Variants in AXIN1 observed in about 807,000 individuals in gnomAD.
AXIN1 encodes axin 1.
In AXIN1, 30 loss-of-function variants were observed where a neutral mutation model predicts 76.4. The ratio of observed to expected loss-of-function variants is 0.39; its 90% confidence interval spans 0.29 to 0.53. The LOEUF is 0.53. Among genes scored for constraint, AXIN1 ranks in the 20% least tolerant of loss-of-function variants. The pLI, the probability that AXIN1 is intolerant of heterozygous loss-of-function variation, is 0.66. For missense variants in AXIN1, 1,140 were observed against 1,198.8 expected (o/e 0.95, Z 0.72); for synonymous variants, 545 against 501.4 (o/e 1.09, Z -1.16).
At chr16:325,950 G>A (rs2053571013) in intron 2 of AXIN1, among the ~76,000 whole-genome samples, 1 of 151,902 alleles carries the variant, frequency 6.6e-6, no homozygotes, top group Non-Finnish European at 1.5e-5. Flanking sequence ...ACTCACGCTG[G>A]CCACGAAAAG....
chr16:325,007 C>T (rs1420795258), intron 2 of AXIN1, among the ~76,000 whole-genome samples: 1 of 152,198 alleles, frequency 6.6e-6, no homozygotes, highest in Non-Finnish European at 1.5e-5. Flanking sequence ...GCTCAGCGGA[C>T]CCGCACAGAA....
intron 2 of AXIN1, among the ~76,000 whole-genome samples, chr16:341,528 C>A (rs1272968090): frequency 6.6e-6 from 1 of 152,252 alleles, no homozygotes; most frequent in African/African-American, 2.4e-5. Context: ...CTGCAGCCCG[C>A]CATGCCTAAG....
chr16:342,712 C>T (rs146751107), intron 2 of AXIN1, among the ~76,000 whole-genome samples: 2 of 152,344 alleles, frequency 1.3e-5, no homozygotes, highest in Non-Finnish European at 2.9e-5. Flanking sequence ...CGGGCCCATC[C>T]GTCAGAGCTG....
chr16:320,741 ATATT>A (rs1285217799), intron 2 of AXIN1, among the ~76,000 whole-genome samples: 3 of 92,062 alleles, frequency 3.3e-5, no homozygotes, highest in African/African-American at 5.6e-5. Context: ...ATATATATAT[ATATT>A]TTTTTTTTTT....
intron 2 of AXIN1, among the ~76,000 whole-genome samples, chr16:326,370 AAAATATAT>A (rs1297233085): frequency 1.1e-5 from 1 of 93,008 alleles, no homozygotes; most frequent in Non-Finnish European, 2.0e-5. Flanking sequence ...AAAAAAAAAA[AAAATATAT>A]ATATATATAT....
chr16:307,206 G>A (rs1224542440), intron 4 of AXIN1, among the ~76,000 whole-genome samples: 1 of 152,134 alleles, frequency 6.6e-6, no homozygotes, highest in Non-Finnish European at 1.5e-5. Flanking sequence ...CAGGCCCAGA[G>A]AGCAGCACGG....
intron 4 of AXIN1, among the ~76,000 whole-genome samples, chr16:306,132 C>T (rs2053017600): frequency 6.6e-6 from 1 of 152,068 alleles, no homozygotes. Flanking sequence ...CACACACATG[C>T]CCACACATGC....
At chr16:297,263 G>A (rs778569054) in intron 6 of AXIN1, 37 bp from the exon 7 acceptor site, 10 of 1,600,202 alleles carry the variant, frequency 6.2e-6, no homozygotes, top group South Asian at 3.3e-5. Context: ...CCTGGCCTCC[G>A]GTGGCCGAGG....
chr16:295,209 G>A (rs1033080673), intron 7 of AXIN1, among the ~76,000 whole-genome samples: 7 of 150,472 alleles, frequency 4.7e-5, no homozygotes, highest in Admixed American at 2.0e-4. Flanking sequence ...AGGTTCAAGC[G>A]ACTCTCCTGC....
At chr16:319,818 A>T (rs894149131) in intron 2 of AXIN1, among the ~76,000 whole-genome samples, 5 of 151,842 alleles carry the variant, frequency 3.3e-5, no homozygotes, top group African/African-American at 1.2e-4. Flanking sequence ...TAGCATAACA[A>T]TTTTTCCTTT....
intron 2 of AXIN1, among the ~76,000 whole-genome samples, chr16:322,174 G>A (rs1023288425): frequency 1.3e-5 from 2 of 152,230 alleles, no homozygotes; most frequent in Non-Finnish European, 2.9e-5. Flanking sequence ...GCGTGAGGCT[G>A]GGTGCTTCTC....
intron 2 of AXIN1, among the ~76,000 whole-genome samples, chr16:328,899 C>T (rs1041574480): frequency 2.6e-5 from 4 of 151,956 alleles, no homozygotes; most frequent in African/African-American, 7.3e-5. Flanking sequence ...GGAGAGATGG[C>T]GGGCAGGGAG....
Position 323,364 on chromosome 16 carries a change from A to G in AXIN1, c.879-8681T>C, listed in dbSNP as rs1033046209. On this transcript the variant is annotated intron_variant, in intron 2 of 10. Coordinates refer to ENST00000262320, the MANE Select transcript of AXIN1 (RefSeq NM_003502.4). ...TGAGGCAGGAGAATGGCGTGAACCC[A>G]GGAGGCAGAGCTTGCAGTGAGCCGA... Among the ~76,000 whole-genome samples the G allele has an allele frequency of 3.1e-4, 44 of 144,220 alleles. No individual in the cohort carries two copies. In the South Asian group the frequency reaches 9.4e-3, roughly 31 times the overall value. 94.6% of individuals were successfully genotyped at this position (144,220 alleles called of 152,430 possible). A position where few individuals can be genotyped will look rare whatever the true frequency, so the allele number is the denominator to read the frequency against.
intron 2 of AXIN1, among the ~76,000 whole-genome samples, chr16:335,052 G>A (rs576498929): frequency 2.0e-4 from 30 of 152,196 alleles, no homozygotes; most frequent in African/African-American, 6.5e-4. Context: ...ACTCCCATTG[G>A]CGTATAGAAT....
intron 5 of AXIN1, among the ~76,000 whole-genome samples, chr16:301,037 G>A (rs558961140): frequency 2.0e-5 from 3 of 152,254 alleles, no homozygotes; most frequent in Admixed American, 6.5e-5. Flanking sequence ...TTGGGAGGCC[G>A]AGGCGGGTGG....
At position 298,190 on chromosome 16, in the gene AXIN1, G is replaced by A. The variant is rs778456607; in HGVS notation, c.1316C>T (p.Pro439Leu). 8 of 1,541,918 alleles carry A rather than the reference G, an allele frequency of 5.2e-6. No individual in the cohort carries two copies. Among genetic ancestry groups the A allele is most frequent in the Non-Finnish European group, 6.1e-6 (7 of 1,147,326 alleles). Residue 439 changes from proline (P) to leucine (L), a missense_variant, in exon 6 of 11, where the codon CCT becomes CTT. Transcript: ENST00000262320. Reference protein sequence around the residue: ...SGPPGPCHKLPPAPAWHHFPP... With the variant: ...SGPPGPCHKLLPAPAWHHFPP... ...GAAGTGGTGCCAAGCGGGGGCGGGA[G>A]GCAGCTTGTGACACGGCCCTGGGGG...
intron 2 of AXIN1, among the ~76,000 whole-genome samples, chr16:328,694 G>C (rs1440400244): frequency 6.6e-6 from 1 of 151,894 alleles, no homozygotes; most frequent in Non-Finnish European, 1.5e-5. Context: ...GAAACTCCAT[G>C]TCAAAAAAAA....
intron 2 of AXIN1, among the ~76,000 whole-genome samples, chr16:328,341 C>CT (rs2053622719): frequency 6.6e-6 from 1 of 151,938 alleles, no homozygotes; most frequent in Non-Finnish European, 1.5e-5. Context: ...TGCAGTGAGC[C>CT]ATGATCATGC....
At chr16:302,823 C>A (rs384624) in intron 5 of AXIN1, among the ~76,000 whole-genome samples, 5,237 of 152,270 alleles carry the variant, frequency 0.034, 121 homozygotes, top group Middle Eastern at 0.065. Context: ...AAGGACCACC[C>A]CCCGACTCGA....
Sources: gnomAD v4.1 joint callset for allele counts (sites outside exome capture counted in the v4.1 genomes callset) on GRCh38, gnomAD v4.1.1 for gene constraint, MANE v1.5 for transcripts, NCBI Gene and HGNC (gene_info 2026-07-23, HGNC 2026-07-21) for gene names.